Variants in MTMR8 observed in about 807,000 individuals in gnomAD.
MTMR8 encodes myotubularin related protein 8, also known as phosphatidylinositol-3,5-bisphosphate 3-phosphatase MTMR8.
Under a neutral mutation model 39.3 loss-of-function variants are expected in MTMR8, and 65 were observed. The ratio of observed to expected loss-of-function variants is 1.65; its 90% confidence interval spans 1.35 to 2.03. The LOEUF (loss-of-function observed/expected upper bound fraction) is 2.03, where lower values mean the gene tolerates loss of function less well. MTMR8 is among the 30% of genes most tolerant of loss of function. The probability of loss-of-function intolerance (pLI) is 0.00; values close to 1 mark genes in which losing one functional copy is unlikely to be tolerated. For synonymous variants in MTMR8, 245 were observed against 185.2 expected, an observed-to-expected ratio of 1.32 and a Z score of -2.62; for missense variants, 777 against 538.9, an observed-to-expected ratio of 1.44 and a Z score of -4.37.
chrX:64,348,849 C>A, intron 5 of MTMR8, 55 bp from the exon 6 acceptor site: 2 of 1,171,295 alleles, frequency 1.7e-6, no homozygotes, highest in African/African-American at 1.8e-5. Context: ...GGTCAAAAAT[C>A]TTTCTTGACC....
At chrX:64,297,736 T>C (rs1921670269) in intron 12 of MTMR8, among the ~76,000 whole-genome samples, 1 of 109,459 alleles carries the variant, frequency 9.1e-6, no homozygotes, top group South Asian at 4.0e-4. Context: ...AAATCTTTAC[T>C]CCATCTTGAA....
chrX:64,383,747 C>A (rs1452445508), intron 1 of MTMR8, among the ~76,000 whole-genome samples: 1 of 110,959 alleles, frequency 9.0e-6, no homozygotes, highest in African/African-American at 3.3e-5. Flanking sequence ...CCCCATCATC[C>A]AATCACCTCC....
At chrX:64,304,288 G>A in intron 12 of MTMR8, among the ~76,000 whole-genome samples, 1 of 111,846 alleles carries the variant, frequency 8.9e-6, no homozygotes, top group East Asian at 2.8e-4. Context: ...TTAACACTCA[G>A]GATCTCATTT....
intron 12 of MTMR8, among the ~76,000 whole-genome samples, chrX:64,313,027 G>T (rs1347343059): frequency 8.9e-6 from 1 of 112,106 alleles, no homozygotes; most frequent in Non-Finnish European, 1.9e-5. Flanking sequence ...AGGGCCCTAG[G>T]ATTTTTGGAA....
chrX:64,295,615 C>CA (rs1921550449), intron 12 of MTMR8, among the ~76,000 whole-genome samples: 1 of 111,214 alleles, frequency 9.0e-6, no homozygotes, highest in African/African-American at 3.3e-5. Flanking sequence ...AACTCAACCA[C>CA]AAAAAACAAC....
intron 12 of MTMR8, among the ~76,000 whole-genome samples, chrX:64,300,701 G>C (rs1396169214): frequency 9.6e-6 from 1 of 104,403 alleles, no homozygotes; most frequent in African/African-American, 3.5e-5. Context: ...GCATGATTTT[G>C]CAGCAGCTGG....
chrX:64,284,053 G>C (rs1394825415), intron 12 of MTMR8, among the ~76,000 whole-genome samples: 1 of 111,818 alleles, frequency 8.9e-6, no homozygotes, highest in African/African-American at 3.3e-5. Context: ...TCGAACCCAT[G>C]GCAAAGAAGT....
intron 1 of MTMR8, among the ~76,000 whole-genome samples, chrX:64,375,639 G>T (rs964391896): frequency 1.8e-5 from 2 of 111,309 alleles, no homozygotes; most frequent in Non-Finnish European, 3.8e-5. Flanking sequence ...TCTTATGAAA[G>T]AGGCTTAAAG....
At position 64,273,703 on chromosome X, in the gene MTMR8, C is replaced by A. The variant is rs1418452308; in HGVS notation, c.1482-2630G>T. Among the ~76,000 whole-genome samples, 5 of 110,745 alleles carry A rather than the reference C, an allele frequency of 4.5e-5. No homozygotes were observed. In the East Asian group the frequency reaches 1.4e-3, roughly 31 times the overall value. On this transcript the variant is annotated intron_variant, in intron 12 of 13. Coordinates refer to ENST00000374852, the MANE Select transcript of MTMR8 (RefSeq NM_017677.4). ...AGAAAAACATCCTATTATATGCTGT[C>A]TATAAGAGACTCACTTTAGATTTAA... is the stretch of plus-strand genomic sequence containing the variant.
At position 64,316,343 on chromosome X, in the gene MTMR8, T is replaced by A. The variant is rs1270707164; in HGVS notation, c.1481+12429A>T. On this transcript the variant is annotated intron_variant, in intron 12 of 13. Coordinates refer to ENST00000374852, the MANE Select transcript of MTMR8 (RefSeq NM_017677.4). ...ATCTGAGAATATCATCATTTCTCCT[T>A]CATTCCTAAAGAATATTTTTGGGCC... 4.4e-5 allele frequency among the ~76,000 whole-genome samples: 5 copies of A among 112,445 alleles called. No individual in the cohort carries two copies. In the Middle Eastern group the frequency reaches 0.018, roughly 413 times the overall value.
At chrX:64,368,023 A>G (rs1924024553) in intron 1 of MTMR8, among the ~76,000 whole-genome samples, 1 of 111,949 alleles carries the variant, frequency 8.9e-6, no homozygotes, top group African/African-American at 3.3e-5. Flanking sequence ...CAAAGAGAAT[A>G]AAATACTTAG....
chrX:64,358,842 T>C (rs1286639781), intron 2 of MTMR8, among the ~76,000 whole-genome samples: 4 of 80,182 alleles, frequency 5.0e-5, no homozygotes, highest in Non-Finnish European at 4.1e-5. Context: ...TGCCCGTGCA[T>C]GCACACACAC....
chrX:64,299,767 C>T, intron 12 of MTMR8, among the ~76,000 whole-genome samples: 1 of 101,064 alleles, frequency 9.9e-6, no homozygotes, highest in East Asian at 3.1e-4. Context: ...CCCAGAGATT[C>T]TGGTATGTTG....
chrX:64,389,308 C>T (rs918935697), intron 1 of MTMR8, among the ~76,000 whole-genome samples: 8 of 111,605 alleles, frequency 7.2e-5, no homozygotes, highest in African/African-American at 2.0e-4. Flanking sequence ...GGTCTCCTAA[C>T]TCTCTGTCTA....
At chrX:64,375,229 G>A (rs1331008209) in intron 1 of MTMR8, among the ~76,000 whole-genome samples, 1 of 109,280 alleles carries the variant, frequency 9.2e-6, no homozygotes, top group Non-Finnish European at 1.9e-5. Context: ...GTGGGTGCCT[G>A]TAGTCCCCGC....
At chrX:64,382,283 C>A (rs1924447864) in intron 1 of MTMR8, among the ~76,000 whole-genome samples, 1 of 111,681 alleles carries the variant, frequency 9.0e-6, no homozygotes. Context: ...TTTCGTTGAG[C>A]AGTGGCTTGT....
At chrX:64,327,255 C>T (rs1336919343) in intron 12 of MTMR8, among the ~76,000 whole-genome samples, 1 of 111,643 alleles carries the variant, frequency 9.0e-6, no homozygotes, top group Non-Finnish European at 1.9e-5. Flanking sequence ...AGATAACCCA[C>T]AGAATGGAAG....
At chrX:64,298,993 G>A (rs1406524262) in intron 12 of MTMR8, among the ~76,000 whole-genome samples, 1 of 71,307 alleles carries the variant, frequency 1.4e-5, no homozygotes, top group Non-Finnish European at 2.4e-5. Context: ...GTATTTTATC[G>A]AGGATTTTTG....
chrX:64,313,023 C>T (rs866929240), intron 12 of MTMR8, among the ~76,000 whole-genome samples: 1 of 111,956 alleles, frequency 8.9e-6, no homozygotes, highest in Middle Eastern at 4.6e-3. Flanking sequence ...GTTAAGGGCC[C>T]TAGGATTTTT....
Sources: gnomAD v4.1 joint callset for allele counts (sites outside exome capture counted in the v4.1 genomes callset) on GRCh38, gnomAD v4.1.1 for gene constraint, MANE v1.5 for transcripts, NCBI Gene and HGNC (gene_info 2026-07-23, HGNC 2026-07-21) for gene names.